The following SLC26A11 variants were observed in gnomAD, a reference collection of about 807,000 sequenced individuals.
SLC26A11 encodes solute carrier family 26 member 11.
A neutral mutation model predicts 62.2 loss-of-function variants in SLC26A11; 58 were observed. The ratio of observed to expected loss-of-function variants is 0.93; its 90% CI spans 0.76 to 1.16. The LOEUF (loss-of-function observed/expected upper bound fraction) is 1.16, where lower values mean the gene tolerates loss of function less well. Among genes scored for constraint, SLC26A11 ranks in the 50% most tolerant of loss-of-function variants. The probability of loss-of-function intolerance (pLI) is 0.00; values close to 1 mark genes in which losing one functional copy is unlikely to be tolerated. For synonymous variants in SLC26A11, 411 were observed against 368.9 expected (o/e 1.11, Z -1.31); for missense variants, 790 against 794.3 (o/e 0.99, Z 0.06).
Position 80,228,087 on chromosome 17 carries a change from T to C in SLC26A11, c.736+127T>C, listed in dbSNP as rs2042461992. On this transcript the variant is annotated intron_variant, in intron 7 of 17. Transcript: ENST00000361193. The surrounding 1 kb of genome is among the most constrained non-coding windows in gnomAD (Gnocchi z 4.1). ...GGTGTCACTTGAGCATTGGGACATT[T>C]AAAACACCACACCAAACTCTGGGAC... The C allele has an allele frequency of 1.4e-6, 1 of 694,718 alleles. No individual in the cohort carries two copies. Among genetic ancestry groups the C allele is most frequent in the East Asian group, 2.8e-5 (1 of 36,230 alleles). The allele number at this position is 694,718 out of a possible 1,614,324, so 43.0% of individuals were successfully genotyped here. A position where few individuals can be genotyped will look rare whatever the true frequency, so the allele number is the denominator to read the frequency against.
intron 7 of SLC26A11, 27 bp downstream of exon 7, chr17:80,227,987 T>C: frequency 6.3e-7 from 1 of 1,592,214 alleles, no homozygotes. Flanking sequence ...TGACATCTTA[T>C]GCAACCTTGG....
chr17:80,240,327 A>G (rs1279785693), intron 9 of SLC26A11, among the ~76,000 whole-genome samples: 17 of 151,940 alleles, frequency 1.1e-4, no homozygotes, highest in Admixed American at 1.1e-3. Flanking sequence ...AGATCGCGCC[A>G]CTGTACTCCA....
At chr17:80,237,363 A>G (rs1482180994) in intron 8 of SLC26A11, 159 bp from the exon 9 acceptor site, 1 of 777,506 alleles carries the variant, frequency 1.3e-6, no homozygotes, top group Non-Finnish European at 2.0e-6. Flanking sequence ...TGTTCCTCCC[A>G]GCACCTGGCG....
chr17:80,239,986 G>T (rs556280856), intron 9 of SLC26A11, among the ~76,000 whole-genome samples: 10 of 152,248 alleles, frequency 6.6e-5, no homozygotes, highest in Admixed American at 6.5e-4. Flanking sequence ...GCAGAGTTGC[G>T]TAGCTGCAGC....
At chr17:80,234,035 C>T (rs918659888) in intron 7 of SLC26A11, among the ~76,000 whole-genome samples, 4 of 151,770 alleles carry the variant, frequency 2.6e-5, no homozygotes, top group African/African-American at 4.8e-5. Context: ...GACAGTGTCT[C>T]GCTGTGTCAC....
intron 3 of SLC26A11, 74 bp downstream of exon 3, chr17:80,221,868 AT>A (rs2042215313): frequency 5.0e-6 from 7 of 1,404,718 alleles, no homozygotes; most frequent in African/African-American, 1.4e-5. Flanking sequence ...CCCAGACACC[AT>A]CAGCGATTCC....
chr17:80,227,283 C>A (rs964501726), intron 6 of SLC26A11, among the ~76,000 whole-genome samples: 3 of 152,222 alleles, frequency 2.0e-5, no homozygotes, highest in African/African-American at 7.2e-5. Context: ...CTGCACATGG[C>A]CCACAGGCTG....
Position 80,236,963 on chromosome 17 carries a change from G to C in SLC26A11, c.772G>C (p.Val258Leu). ...CCTGGTGGTCTCCTTCGCAGCCCTGGTTGCGTACTCCTTCGAGGTGACTGG... is the reference window on the plus strand; with the variant it reads ...CCTGGTGGTCTCCTTCGCAGCCCTGCTTGCGTACTCCTTCGAGGTGACTGG... ...NALVVSFAAL[V>L]AYSFEVTGYQ... Residue 258 changes from valine (V) to leucine (L), a missense_variant, in exon 8 of 18, where the codon GTT becomes CTT. By Grantham distance (32) the Val-to-Leu change is conservative (BLOSUM62 1). Coordinates refer to ENST00000361193, the MANE Select transcript of SLC26A11 (RefSeq NM_001166347.2). The C allele has an allele frequency of 8.7e-6, 14 of 1,613,988 alleles. No individual in the cohort carries two copies. The highest frequency in any genetic ancestry group is 1.2e-5 in the Non-Finnish European group (14 of 1,179,902).
chr17:80,230,675 G>T, intron 7 of SLC26A11, among the ~76,000 whole-genome samples: 1 of 152,122 alleles, frequency 6.6e-6, no homozygotes, highest in East Asian at 1.9e-4. Context: ...AACCCTGAAG[G>T]CAGTGTCTCC....
In SLC26A11 at chr17:80,222,698, TC is replaced by T. The variant is rs1272765467; in HGVS notation, c.280del (p.Leu94TrpfsTer7). The T allele has an allele frequency of 5.0e-6, 8 of 1,613,988 alleles. No individual in the cohort carries two copies. In the Admixed American group the frequency reaches 5.0e-5, roughly 10 times the overall value. On this transcript the variant is annotated frameshift_variant, in exon 4 of 18. Transcript: ENST00000361193. LOFTEE classifies it high-confidence loss of function. The surrounding 1 kb of genome is among the most constrained non-coding windows in gnomAD (Gnocchi z 4.7). Reference protein sequence around the residue: ...SAFMGCFVYFFLGTSRDVTLG... With the variant: ...SAFMGCFVYFXLGTSRDVTLG... Reference sequence around the variant, plus strand: ...TTCATGGGCTGCTTCGTGTATTTCTTCCTGGGCACCTCCCGGGATGTGACTC... The same window carrying T: ...TTCATGGGCTGCTTCGTGTATTTCTTCTGGGCACCTCCCGGGATGTGACTC...
intron 5 of SLC26A11, among the ~76,000 whole-genome samples, chr17:80,225,218 A>G (rs879737160): frequency 3.7e-4 from 56 of 152,056 alleles, no homozygotes; most frequent in Middle Eastern, 3.4e-3. Flanking sequence ...CTAAACTAAA[A>G]CACAGGATAG....
At chr17:80,249,311 A>T in intron 16 of SLC26A11, 24 bp downstream of exon 16, 6 of 1,605,330 alleles carry the variant, frequency 3.7e-6, no homozygotes, top group Non-Finnish European at 3.4e-6. Flanking sequence ...GGGCTGCCTT[A>T]GGGGTTAGCA....
At chr17:80,238,313 A>G (rs545191735) in intron 9 of SLC26A11, among the ~76,000 whole-genome samples, 38 of 152,318 alleles carry the variant, frequency 2.5e-4, no homozygotes, top group African/African-American at 8.4e-4. Context: ...TGATAGTGCC[A>G]CTGCACTCCA....
At position 80,228,125 on chromosome 17, in the gene SLC26A11, TTTAA is replaced by T. The variant is rs1012343700; in HGVS notation, c.736+181_736+184del. 2.1e-4 allele frequency among the ~76,000 whole-genome samples: 32 copies of T among 152,282 alleles called. No individual in the cohort carries two copies. Among genetic ancestry groups the T allele is most frequent in the African/African-American group, 6.5e-4 (27 of 41,554 alleles). On this transcript the variant is annotated intron_variant, in intron 7 of 17. Coordinates refer to ENST00000361193, the MANE Select transcript of SLC26A11 (RefSeq NM_001166347.2). The surrounding 1 kb of genome is among the most constrained non-coding windows in gnomAD (Gnocchi z 4.1). ...CAAACTCTGGGACATGTACTTTTTA[TTTAA>T]TTAATTAATTAATTATTTTTTGAGA... is the stretch of plus-strand genomic sequence containing the variant.
intron 7 of SLC26A11, among the ~76,000 whole-genome samples, chr17:80,233,768 G>T (rs9916806): frequency 6.6e-6 from 1 of 151,456 alleles, no homozygotes; most frequent in Admixed American, 6.6e-5. Context: ...TTGTAGAGAT[G>T]GTGTCTTCCT....
In SLC26A11 at chr17:80,223,354, C is replaced by A. The variant is rs893224051; in HGVS notation, c.513+17C>A. ...CAGATCAAGGTAGGCACGGCGCCCA[C>A]CCAGGGCACTGCTCTTTGGCCACTG... On this transcript the variant is annotated intron_variant, in intron 5 of 17. Transcript: ENST00000361193. The surrounding 1 kb of genome is among the most constrained non-coding windows in gnomAD (Gnocchi z 4.6). The A allele has an allele frequency of 3.1e-6, 5 of 1,612,730 alleles. No individual in the cohort carries two copies. The highest frequency in any genetic ancestry group is 4.2e-6 in the Non-Finnish European group (5 of 1,179,278).
intron 7 of SLC26A11, among the ~76,000 whole-genome samples, chr17:80,236,236 C>G (rs529711808): frequency 3.3e-5 from 5 of 152,332 alleles, no homozygotes; most frequent in African/African-American, 1.2e-4. Context: ...AGCTTTGCCT[C>G]GACCAGTTCT....
chr17:80,232,880 C>T (rs1401366785), intron 7 of SLC26A11, among the ~76,000 whole-genome samples: 1 of 152,094 alleles, frequency 6.6e-6, no homozygotes, highest in Non-Finnish European at 1.5e-5. Context: ...TTCTAAGTGA[C>T]TGCTTTAAGG....
chr17:80,224,256 AGTGTGTGCGTGTGTG>A (rs2042313297), intron 5 of SLC26A11, among the ~76,000 whole-genome samples: 1 of 137,256 alleles, frequency 7.3e-6, no homozygotes, highest in African/African-American at 2.7e-5. Flanking sequence ...GGAGTGTGTG[AGTGTGTGCGTGTGTG>A]AGTGAGTGCG....
Sources: gnomAD v4.1 joint callset for allele counts (sites outside exome capture counted in the v4.1 genomes callset) on GRCh38, gnomAD v4.1.1 for gene constraint, Gnocchi (gnomAD v3.1) non-coding constraint, MANE v1.5 for transcripts, NCBI Gene and HGNC (gene_info 2026-07-23, HGNC 2026-07-21) for gene names.